HECTD2: variants seen among roughly 807,000 people sequenced by gnomAD.
HECTD2 encodes HECT domain E3 ubiquitin protein ligase 2.
HECTD2 carries 35 observed loss-of-function variants against 103.2 expected under a neutral mutation model. The ratio of observed to expected loss-of-function variants is 0.34; its 90% CI spans 0.26 to 0.45. The LOEUF (loss-of-function observed/expected upper bound fraction) is 0.45. Ranked by LOEUF, HECTD2 falls within the 20% of genes least tolerant of loss-of-function variation. The probability of loss-of-function intolerance (pLI) is 1.00; values close to 1 mark genes in which losing one functional copy is unlikely to be tolerated. For synonymous variants in HECTD2, 281 were observed against 329.9 expected (o/e 0.85, Z 1.61); for missense variants, 596 against 937.4 (o/e 0.64, Z 4.76).
At chr10:91,475,674 G>A (rs186639720) in intron 5 of HECTD2, among the ~76,000 whole-genome samples, 20 of 152,174 alleles carry the variant, frequency 1.3e-4, no homozygotes, top group Non-Finnish European at 2.5e-4. Context: ...TGGCCCAAAC[G>A]AGATGTTTTA....
At chr10:91,451,440 C>T (rs941829497) in intron 2 of HECTD2, among the ~76,000 whole-genome samples, 10 of 151,782 alleles carry the variant, frequency 6.6e-5, no homozygotes, top group Middle Eastern at 3.4e-3. Context: ...TGATGGGTGC[C>T]GGAAACCACC....
chr10:91,500,474 A>C (rs756738981), intron 18 of HECTD2, 28 bp from the exon 19 acceptor site: 1 of 1,067,858 alleles, frequency 9.4e-7, no homozygotes, highest in South Asian at 1.3e-5. Context: ...CTCTTTAATT[A>C]TTGTTTTTGA....
chr10:91,467,879 G>A (rs1295083702), intron 5 of HECTD2, among the ~76,000 whole-genome samples: 2 of 151,290 alleles, frequency 1.3e-5, no homozygotes, highest in East Asian at 3.9e-4. Context: ...CTAGCAACTA[G>A]CCCCCCCACC....
At chr10:91,421,227 A>G (rs562414427) in intron 1 of HECTD2, among the ~76,000 whole-genome samples, 1 of 152,056 alleles carries the variant, frequency 6.6e-6, no homozygotes, top group Non-Finnish European at 1.5e-5. Flanking sequence ...TTTTAGACCT[A>G]ACCACTCTTC....
chr10:91,434,762 T>A (rs1844045500), intron 2 of HECTD2, among the ~76,000 whole-genome samples: 1 of 152,022 alleles, frequency 6.6e-6, no homozygotes. Context: ...GTTTTGTAGC[T>A]TCTCAGGCTG....
intron 5 of HECTD2, among the ~76,000 whole-genome samples, chr10:91,465,467 A>G: frequency 6.6e-6 from 1 of 151,988 alleles, no homozygotes; most frequent in Non-Finnish European, 1.5e-5. Flanking sequence ...AGCTCCCTAG[A>G]GAAATGGCTA....
intron 5 of HECTD2, among the ~76,000 whole-genome samples, chr10:91,465,579 G>A (rs1416719853): frequency 6.7e-6 from 1 of 149,368 alleles, no homozygotes; most frequent in Non-Finnish European, 1.5e-5. Context: ...TTTTTAAGAT[G>A]TTCTTCATCA....
chr10:91,440,372 G>A (rs930302837), intron 2 of HECTD2, among the ~76,000 whole-genome samples: 2 of 151,942 alleles, frequency 1.3e-5, no homozygotes, highest in African/African-American at 4.8e-5. Flanking sequence ...TAAGTGATAG[G>A]TTACATTTAT....
At chr10:91,437,562 A>G (rs1404543298) in intron 2 of HECTD2, among the ~76,000 whole-genome samples, 4 of 151,106 alleles carry the variant, frequency 2.6e-5, no homozygotes. Flanking sequence ...GTATAAAATA[A>G]TGTACAGACA....
chr10:91,457,983 TAA>T (rs1845180263), intron 2 of HECTD2, among the ~76,000 whole-genome samples: 1 of 125,900 alleles, frequency 7.9e-6, no homozygotes, highest in African/African-American at 3.0e-5. Context: ...AAATAAGAAA[TAA>T]GACTTTCCCT....
At chr10:91,512,243 T>A in intron 20 of HECTD2, 21 bp from the exon 21 acceptor site, 1 of 1,606,328 alleles carries the variant, frequency 6.2e-7, no homozygotes, top group Middle Eastern at 1.7e-4. Context: ...CTTAGTATTT[T>A]TTTTTAATTT....
chr10:91,415,817 C>G (rs1843105161), intron 1 of HECTD2, among the ~76,000 whole-genome samples: 2 of 152,110 alleles, frequency 1.3e-5, no homozygotes, highest in Non-Finnish European at 2.9e-5. Context: ...AAGATATGTT[C>G]TAGGATATCT....
Position 91,484,629 on chromosome 10 carries a change from C to G in HECTD2, c.944C>G (p.Ser315Ter). The change falls in exon 9 of 21, where the codon TCA becomes TGA. Residue 315 changes from serine to a stop codon, truncating the protein, a stop_gained. Coordinates refer to ENST00000298068, the MANE Select transcript of HECTD2 (RefSeq NM_182765.6). LOFTEE classifies it high-confidence loss of function. ...ACAAAGTGTTCCTGGTGGATTCCAT[C>G]AGCCGCTAAAGTGTTGGCTTTACTT... ...PITKCSWWIP[S>*]AAKVLALLNT... is the part of the protein sequence containing the mutation. 1 of 1,610,468 alleles carries G rather than the reference C, an allele frequency of 6.2e-7. No homozygotes were observed. The highest frequency in any genetic ancestry group is 8.5e-7 in the Non-Finnish European group (1 of 1,178,562).
chr10:91,506,336 C>G (rs557796524), intron 20 of HECTD2, among the ~76,000 whole-genome samples: 3 of 151,626 alleles, frequency 2.0e-5, no homozygotes, highest in East Asian at 3.9e-4. Context: ...AATCCAGGAG[C>G]TGGTTTTTTG....
intron 1 of HECTD2, among the ~76,000 whole-genome samples, chr10:91,417,083 A>G (rs1288357409): frequency 6.6e-6 from 1 of 152,208 alleles, no homozygotes; most frequent in Non-Finnish European, 1.5e-5. Context: ...ACAGAAGATG[A>G]ATGAGGAAGT....
chr10:91,427,641 GTCT>G (rs1843627300), intron 2 of HECTD2, among the ~76,000 whole-genome samples: 1 of 152,164 alleles, frequency 6.6e-6, no homozygotes. Context: ...CAGCATAAAT[GTCT>G]TCTTTTGAGA....
chr10:91,411,520 C>T (rs1007966931), intron 1 of HECTD2, among the ~76,000 whole-genome samples: 1 of 152,128 alleles, frequency 6.6e-6, no homozygotes, highest in East Asian at 1.9e-4. Flanking sequence ...TTCCTACTTG[C>T]GGTTCATTTC....
At chr10:91,413,930 T>C (rs1361211534) in intron 1 of HECTD2, among the ~76,000 whole-genome samples, 3 of 152,116 alleles carry the variant, frequency 2.0e-5, no homozygotes, top group Admixed American at 6.5e-5. Flanking sequence ...TTTGAAGTAA[T>C]GTATGGATAT....
intron 20 of HECTD2, among the ~76,000 whole-genome samples, chr10:91,502,182 G>A (rs747057513): frequency 3.3e-5 from 5 of 152,112 alleles, no homozygotes; most frequent in Non-Finnish European, 5.9e-5. Context: ...TCCAGAGACT[G>A]TAAAATAAAG....
Sources: gnomAD v4.1 joint callset for allele counts (sites outside exome capture counted in the v4.1 genomes callset) on GRCh38, gnomAD v4.1.1 for gene constraint, MANE v1.5 for transcripts, NCBI Gene and HGNC (gene_info 2026-07-23, HGNC 2026-07-21) for gene names.